Variants in DLL1 observed in about 807,000 individuals in gnomAD.
DLL1 encodes delta-like protein 1.
Under a neutral mutation model 75.1 loss-of-function variants are expected in DLL1, and 9 were observed. That is an observed-to-expected ratio of 0.12 (90% CI 0.07 to 0.21). The LOEUF (loss-of-function observed/expected upper bound fraction) is 0.21. Ranked by LOEUF, DLL1 falls within the 10% of genes least tolerant of loss-of-function variation. The pLI, the probability that DLL1 is intolerant of heterozygous loss-of-function variation, is 1.00. For synonymous variants in DLL1, 477 were observed against 418.3 expected (o/e 1.14, Z -1.71); for missense variants, 837 against 1,007.6 (o/e 0.83, Z 2.29).
Position 170,283,245 on chromosome 6 carries a change from C to G in DLL1, c.2034G>C (p.Pro678=). The change falls in exon 9 of 11, where the codon CCG becomes CCC. Residue 678 remains proline (P), a synonymous_variant. Transcript: ENST00000366756. ...QGSSGEEKGT[P]TTLRGGEASE... is the part of the protein sequence containing the mutation. Reference sequence around the variant, plus strand: ...GCAGCACGCACCCCCTGAGTGTGGTCGGGGTCCCCTTCTCCTCCCCTGAGG... The same window carrying G: ...GCAGCACGCACCCCCTGAGTGTGGTGGGGGTCCCCTTCTCCTCCCCTGAGG... 1 of 1,612,604 alleles carries G rather than the reference C, an allele frequency of 6.2e-7. No homozygotes were observed. Among genetic ancestry groups the G allele is most frequent in the Non-Finnish European group, 8.5e-7 (1 of 1,179,836 alleles).
At position 170,288,532 on chromosome 6, in the gene DLL1, G is replaced by A. The variant is rs746902765; in HGVS notation, c.413-36C>T. The A allele has an allele frequency of 9.3e-6, 15 of 1,614,024 alleles. 1 individual carries two copies. Among genetic ancestry groups the A allele is most frequent in the Middle Eastern group, 1.7e-4 (1 of 6,060 alleles). On this transcript the variant is annotated intron_variant, in intron 3 of 10. Coordinates refer to ENST00000366756, the MANE Select transcript of DLL1 (RefSeq NM_005618.4). ...AAGATGCTCCTGGTTGGTTCTGAACGAGAACCCTGTGACTCGGGACAGAGC... is the reference window on the plus strand; with the variant it reads ...AAGATGCTCCTGGTTGGTTCTGAACAAGAACCCTGTGACTCGGGACAGAGC...
rs1427968509 is a variant in DLL1, at chr6:170,289,156, G to C, written c.351+356C>G. ...CCGGGTGGTAGCGGTCGCGCTGCGCGGGTAATCGCGCCACCAACGCGTCTA... is the reference window on the plus strand; with the variant it reads ...CCGGGTGGTAGCGGTCGCGCTGCGCCGGTAATCGCGCCACCAACGCGTCTA... On this transcript the variant is annotated intron_variant, in intron 2 of 10. Coordinates refer to ENST00000366756, the MANE Select transcript of DLL1 (RefSeq NM_005618.4). 8.4e-6 allele frequency: 5 copies of C among 592,966 alleles called. No homozygotes were observed. The East Asian group carries it at 1.2e-4, about 15-fold the overall frequency. 36.7% of individuals were successfully genotyped at this position (592,966 alleles called of 1,614,324 possible).
At chr6:170,287,922 T>C (rs1028810900) in intron 4 of DLL1, among the ~76,000 whole-genome samples, 5 of 152,076 alleles carry the variant, frequency 3.3e-5, no homozygotes, top group Admixed American at 6.5e-5. Flanking sequence ...CCTCTCCCTC[T>C]CTAATACACA....
Position 170,283,246 on chromosome 6 carries a change from G to C in DLL1, c.2033C>G (p.Pro678Arg). ...QGSSGEEKGT[P>R]TTLRGGEASE... ...CAGCACGCACCCCCTGAGTGTGGTC[G>C]GGGTCCCCTTCTCCTCCCCTGAGGA... The change falls in exon 9 of 11, where the codon CCG becomes CGG. Residue 678 changes from proline (P) to arginine (R), a missense_variant. Pro to Arg is a moderately radical substitution (Grantham distance 103). This residue lies in a region of DLL1 where 533 missense variants were observed against 545.7 expected (regional missense o/e 0.98). Coordinates refer to ENST00000366756, the MANE Select transcript of DLL1 (RefSeq NM_005618.4). 2 of 1,612,560 alleles carry C rather than the reference G, an allele frequency of 1.2e-6. No individual in the cohort carries two copies. Among genetic ancestry groups the C allele is most frequent in the Non-Finnish European group, 1.7e-6 (2 of 1,179,870 alleles).
At position 170,288,292 on chromosome 6, in the gene DLL1, T is replaced by G. The variant is rs1167068438; in HGVS notation, c.617A>C (p.Glu206Ala). Residue 206 changes from glutamate to alanine, a missense_variant, in exon 4 of 11, where the codon GAG (glutamate) becomes GCG (alanine). Physicochemically the swap from Glu to Ala is moderately radical, Grantham distance 107. Coordinates refer to ENST00000366756, the MANE Select transcript of DLL1 (RefSeq NM_005618.4). ...DDAFGHFTCG[E>A]RGEKVCNPGW... The stretch of plus-strand genomic sequence containing the variant: ...AGGGTTGCACACTTTCTCCCCACGC[T>G]CCCCACAGGTGAAGTGGCCGAAGGC... 6.2e-7 allele frequency: 1 copy of G among 1,613,762 alleles called. No individual in the cohort carries two copies. Among genetic ancestry groups the G allele is most frequent in the African/African-American group, 1.3e-5 (1 of 74,866 alleles).
chr6:170,283,703 C>G lies in DLL1; in HGVS notation c.1576G>C (p.Gly526Arg), dbSNP rs1193424750. 3 of 1,555,552 alleles carry G rather than the reference C, an allele frequency of 1.9e-6. No homozygotes were observed. The highest frequency in any genetic ancestry group is 1.7e-6 in the Non-Finnish European group (2 of 1,150,272). The change falls in exon 9 of 11, where the codon GGC (glycine) becomes CGC (arginine). Residue 526 changes from glycine (G) to arginine (R), a missense_variant. Physicochemically the swap from Gly to Arg is moderately radical, Grantham distance 125 (BLOSUM62 -2). Around this residue, in one of 2 missense-constraint regions of DLL1, gnomAD observed 533 missense variants for 545.7 expected, o/e 0.98. Transcript: ENST00000366756. ...CQFLLPELPP[G>R]PAVVDLTEKL... Reference sequence around the variant, plus strand: ...TCAGTGAGGTCCACCACCGCTGGGCCCGGGGGCAGCTCGGGGAGCAGGAAC... The same window carrying G: ...TCAGTGAGGTCCACCACCGCTGGGCGCGGGGGCAGCTCGGGGAGCAGGAAC...
In DLL1 at chr6:170,290,316, A is replaced by C; in HGVS notation, c.-177T>G. On this transcript the variant is annotated 5_prime_UTR_variant, in exon 1 of 11. Coordinates refer to ENST00000366756, the MANE Select transcript of DLL1 (RefSeq NM_005618.4). This position sits in a 1 kb window ranked among gnomAD's most constrained non-coding sequence, Gnocchi z 4.7. ...AAAAGCCGGTCTCCGCCTCTTCCCA[A>C]GGCCGCGGTTCTTTATATCCGCCCT... The C allele has an allele frequency of 1.7e-6, 1 of 589,762 alleles. No homozygotes were observed. The highest frequency in any genetic ancestry group is 2.6e-6 in the Non-Finnish European group (1 of 378,952). The allele number at this position is 589,762 out of a possible 1,614,324, so 36.5% of individuals were successfully genotyped here. A position where few individuals can be genotyped will look rare whatever the true frequency, so the allele number is the denominator to read the frequency against.
rs533039158 is a variant in DLL1 at position 170,289,300 on chromosome 6, G to T, written c.351+212C>A. On this transcript the variant is annotated intron_variant, in intron 2 of 10. Coordinates refer to ENST00000366756, the MANE Select transcript of DLL1 (RefSeq NM_005618.4). The stretch of plus-strand genomic sequence containing the variant: ...CGGCCTCTCCTCCTCGCCCCAGCGC[G>T]GTCCCCTCCTGCAGGCCGCGGGGCC... 3.8e-6 allele frequency: 3 copies of T among 779,662 alleles called. No individual in the cohort carries two copies. In the African/African-American group the frequency reaches 5.3e-5, roughly 14 times the overall value. The allele number at this position is 779,662 out of a possible 1,614,324, so 48.3% of individuals were successfully genotyped here. A position where few individuals can be genotyped will look rare whatever the true frequency, so the allele number is the denominator to read the frequency against.
rs1315985670 is a variant in DLL1, at chr6:170,285,374, G to A, written c.912C>T (p.Cys304=). The A allele has an allele frequency of 1.2e-6, 2 of 1,614,236 alleles. No homozygotes were observed. The highest frequency in any genetic ancestry group is 2.2e-5 in the East Asian group (1 of 44,878). Reference sequence around the variant, plus strand: ...TGTAGCTCCCCTGGCCCGTGTTGGTGCAGGTGGCTCCATTCTTGCAGGGCT... The same window carrying A: ...TGTAGCTCCCCTGGCCCGTGTTGGTACAGGTGGCTCCATTCTTGCAGGGCT... ...HHKPCKNGAT[C]TNTGQGSYTC... The change falls in exon 7 of 11, where the codon TGC becomes TGT. Residue 304 remains cysteine, a synonymous_variant. Transcript: ENST00000366756.
intron 3 of DLL1, 106 bp from the exon 4 acceptor site, chr6:170,288,602 C>T: frequency 1.2e-6 from 2 of 1,610,538 alleles, no homozygotes; most frequent in Admixed American, 1.7e-5. Context: ...GCCCAAGCTG[C>T]TCCACCCTGA....
At chr6:170,289,360 C>A (rs1307964468) in intron 2 of DLL1, 152 bp downstream of exon 2, 2 of 1,284,312 alleles carry the variant, frequency 1.6e-6, no homozygotes, top group South Asian at 1.3e-5. Context: ...GGGCTGGAGT[C>A]CTGGGGCCGC....
In DLL1 at chr6:170,289,715, C is replaced by G; in HGVS notation, c.148G>C (p.Gly50Arg). The change falls in exon 2 of 11, where the codon GGG (glycine) becomes CGG (arginine). Residue 50 changes from glycine (G) to arginine (R), a missense_variant. This residue lies in a region of DLL1 where 304 missense variants were observed against 461.9 expected (regional missense o/e 0.66). Transcript: ENST00000366756. Reference protein sequence around the residue: ...GNRNCCRGGAGPPPCACRTFF... With the variant: ...GNRNCCRGGARPPPCACRTFF... ...GTCCGGCAGGCGCACGGCGGTGGCC[C>G]CGCGCCCCCGCGGCAGCAGTTGCGG... 1.3e-6 allele frequency: 2 copies of G among 1,549,252 alleles called. No homozygotes were observed. The highest frequency in any genetic ancestry group is 1.7e-6 in the Non-Finnish European group (2 of 1,146,698).
Position 170,283,372 on chromosome 6 carries a change from T to A in DLL1, c.1907A>T (p.Tyr636Phe), listed in dbSNP as rs924372530. 6.2e-7 allele frequency: 1 copy of A among 1,611,830 alleles called. No individual in the cohort carries two copies. Among genetic ancestry groups the A allele is most frequent in the Non-Finnish European group, 8.5e-7 (1 of 1,180,014 alleles). The stretch of plus-strand genomic sequence containing the variant: ...CACGAGGTTATAGTCCACCGCTGGG[T>A]AGCGGGCCTTGAAGCCATTCTTGTC... ...SADKNGFKARYPAVDYNLVQD... is the reference protein window; with the variant it reads ...SADKNGFKARFPAVDYNLVQD... The change falls in exon 9 of 11, where the codon TAC becomes TTC. Residue 636 changes from tyrosine (Y) to phenylalanine (F), a missense_variant. This residue lies in a region of DLL1 where 533 missense variants were observed against 545.7 expected (regional missense o/e 0.98). Transcript: ENST00000366756.
chr6:170,290,174 C>G lies in DLL1; in HGVS notation c.-35G>C. ...CTCCACGCGCGAGCCTGGGGGGCCC[C>G]CACTTCTCTCCTTAGAACAGCGGCG... On this transcript the variant is annotated 5_prime_UTR_variant, in exon 1 of 11. Transcript: ENST00000366756. This position sits in a 1 kb window ranked among gnomAD's most constrained non-coding sequence, Gnocchi z 4.7. 6.3e-7 allele frequency: 1 copy of G among 1,586,054 alleles called. No individual in the cohort carries two copies. The highest frequency in any genetic ancestry group is 2.3e-5 in the East Asian group (1 of 43,624).
At chr6:170,289,960 T>G (rs1583158111) in intron 1 of DLL1, 126 bp downstream of exon 1, 1 of 1,318,546 alleles carries the variant, frequency 7.6e-7, no homozygotes, top group Non-Finnish European at 9.8e-7. Flanking sequence ...GCCCCCGGGA[T>G]TCATCTTCCG....
In DLL1 at chr6:170,283,771, T is replaced by C. The variant is rs374901440; in HGVS notation, c.1508A>G (p.Tyr503Cys). 3 of 1,590,070 alleles carry C rather than the reference T, an allele frequency of 1.9e-6. No homozygotes were observed. The highest frequency in any genetic ancestry group is 1.3e-5 in the African/African-American group (1 of 74,396). The change falls in exon 9 of 11, where the codon TAT (tyrosine) becomes TGT (cysteine). Residue 503 changes from tyrosine (Y) to cysteine (C), a missense_variant. By Grantham distance (194) the Tyr-to-Cys change is radical. This residue lies in a region of DLL1 where 533 missense variants were observed against 545.7 expected (regional missense o/e 0.98). Transcript: ENST00000366756. Reference protein sequence around the residue: ...GATCHERGHRYVCECARGYGG... With the variant: ...GATCHERGHRCVCECARGYGG... ...GTAGCCTCGGGCACACTCGCACACA[T>C]AGCGGTGGCCCCTCTCGTGGCAGGT...
At chr6:170,284,264 G>A (rs537847246) in intron 8 of DLL1, among the ~76,000 whole-genome samples, 1 of 152,342 alleles carries the variant, frequency 6.6e-6, no homozygotes, top group East Asian at 1.9e-4. Flanking sequence ...CAGGCGCTGT[G>A]CAGAACACTC....
Position 170,289,764 on chromosome 6 carries a change from G to A in DLL1, c.99C>T (p.Val33=). The A allele has an allele frequency of 6.4e-7, 1 of 1,555,480 alleles. No homozygotes were observed. ...GGTTCCCCAGCAGCCCCTTCTTGTT[G>A]ACGAACTCCTGCAGCTTCAGTTCGA... ...GVFELKLQEF[V]NKKGLLGNRN... is the part of the protein sequence containing the mutation. Residue 33 remains valine (V), a synonymous_variant, in exon 2 of 11, where the codon GTC becomes GTT. Coordinates refer to ENST00000366756, the MANE Select transcript of DLL1 (RefSeq NM_005618.4).
rs751267284 is a variant in DLL1, at chr6:170,286,298, G to A, written c.671C>T (p.Pro224Leu). 2.5e-6 allele frequency: 4 copies of A among 1,614,132 alleles called. No homozygotes were observed. The highest frequency in any genetic ancestry group is 1.1e-5 in the South Asian group (1 of 91,082). The part of the protein sequence containing the change: ...PGWKGPYCTE[P>L]ICLPGCDEQH... ...CTCATCACATCCAGGCAGGCAGATC[G>A]CTACAAGCAAAGGAAAAACAGGGTC... The change falls in exon 5 of 11, where the codon CCG becomes CTG. Residue 224 changes from proline to leucine, a missense_variant and splice_region_variant. Pro to Leu is a moderately conservative substitution (Grantham distance 98). Around this residue, in one of 2 missense-constraint regions of DLL1, gnomAD observed 304 missense variants for 461.9 expected, o/e 0.66. Transcript: ENST00000366756.
Sources: allele counts gnomAD v4.1 joint callset (sites outside exome capture counted in the v4.1 genomes callset), GRCh38; gene constraint gnomAD v4.1.1; regional missense constraint gnomAD v4.1.1; non-coding constraint Gnocchi (gnomAD v3.1); transcripts MANE v1.5; gene names NCBI Gene and HGNC (gene_info 2026-07-23, HGNC 2026-07-21).